Variants in MACROD2 observed in about 807,000 individuals in gnomAD.
MACROD2 encodes the protein mono-ADP ribosylhydrolase 2.
Under a neutral mutation model 70.4 loss-of-function variants are expected in MACROD2, and 36 were observed. That is an observed-to-expected ratio of 0.51 (90% CI 0.39 to 0.68). MACROD2 has a LOEUF of 0.68. Ranked by LOEUF, MACROD2 falls within the 30% of genes least tolerant of loss-of-function variation. The probability of loss-of-function intolerance (pLI) is 0.00; values close to 1 mark genes in which losing one functional copy is unlikely to be tolerated. For missense variants in MACROD2, 496 were observed against 538.4 expected (o/e 0.92, Z 0.78); for synonymous variants, 172 against 178.8 (o/e 0.96, Z 0.30).
chr20:15,157,547 T>A (rs1349283671), intron 5 of MACROD2, among the ~76,000 whole-genome samples: 1 of 152,164 alleles, frequency 6.6e-6, no homozygotes, highest in African/African-American at 2.4e-5. Flanking sequence ...GATTAGTTGC[T>A]TCTTTTGCAG....
At chr20:15,067,973 A>G (rs1044947860) in intron 5 of MACROD2, among the ~76,000 whole-genome samples, 4 of 152,210 alleles carry the variant, frequency 2.6e-5, no homozygotes, top group African/African-American at 7.2e-5. Flanking sequence ...TATTCTTCTC[A>G]TGCACCATAC....
At chr20:15,607,378 C>T (rs1178194484) in intron 8 of MACROD2, among the ~76,000 whole-genome samples, 1 of 152,168 alleles carries the variant, frequency 6.6e-6, no homozygotes, top group Non-Finnish European at 1.5e-5. Context: ...TGCAGAGATG[C>T]TCAGTTCTTT....
At chr20:14,618,996 T>C (rs950142385) in intron 4 of MACROD2, among the ~76,000 whole-genome samples, 1 of 152,098 alleles carries the variant, frequency 6.6e-6, no homozygotes, top group Non-Finnish European at 1.5e-5. Flanking sequence ...AACAGGTACA[T>C]GTAAAGTGCT....
At chr20:15,743,303 C>G (rs781065826) in intron 8 of MACROD2, among the ~76,000 whole-genome samples, 26 of 152,166 alleles carry the variant, frequency 1.7e-4, no homozygotes, top group Non-Finnish European at 3.5e-4. Context: ...TATCCCTCAT[C>G]TATCACTTGG....
chr20:14,237,326 C>T (rs2081885166), intron 3 of MACROD2, among the ~76,000 whole-genome samples: 1 of 151,872 alleles, frequency 6.6e-6, no homozygotes, highest in Admixed American at 6.6e-5. Flanking sequence ...GAATATCAGC[C>T]ACATACTTTG....
chr20:14,080,820 A>G (rs2053983906), intron 2 of MACROD2, among the ~76,000 whole-genome samples: 1 of 151,996 alleles, frequency 6.6e-6, no homozygotes, highest in African/African-American at 2.4e-5. Context: ...ATTTTTCCCC[A>G]CCTTCCTCAC....
chr20:14,760,774 T>C (rs1316808449), intron 5 of MACROD2, among the ~76,000 whole-genome samples: 2 of 152,234 alleles, frequency 1.3e-5, no homozygotes, highest in African/African-American at 4.8e-5. Context: ...CTTCTTCCCT[T>C]TACCAGCCAA....
At chr20:14,215,191 C>T (rs2081607864) in intron 3 of MACROD2, among the ~76,000 whole-genome samples, 1 of 149,462 alleles carries the variant, frequency 6.7e-6, no homozygotes, top group Non-Finnish European at 1.5e-5. Flanking sequence ...CATATATATT[C>T]CATCATATAT....
At chr20:15,584,676 C>T (rs1056018465) in intron 8 of MACROD2, among the ~76,000 whole-genome samples, 6 of 152,210 alleles carry the variant, frequency 3.9e-5, no homozygotes, top group African/African-American at 9.6e-5. Flanking sequence ...CCCTTCCTTG[C>T]GTAGTGTACC....
chr20:15,506,664 G>A (rs1423314031), intron 8 of MACROD2, among the ~76,000 whole-genome samples: 1 of 152,188 alleles, frequency 6.6e-6, no homozygotes, highest in Non-Finnish European at 1.5e-5. Context: ...TAAAAAGGGG[G>A]TTTAAATGAA....
intron 5 of MACROD2, among the ~76,000 whole-genome samples, chr20:15,060,770 G>T (rs2075526290): frequency 6.6e-6 from 1 of 152,200 alleles, no homozygotes; most frequent in Non-Finnish European, 1.5e-5. Flanking sequence ...TTATGCAATA[G>T]ACTGTGCCCT....
chr20:15,615,608 A>G (rs947471058), intron 8 of MACROD2, among the ~76,000 whole-genome samples: 59 of 152,252 alleles, frequency 3.9e-4, no homozygotes, highest in Admixed American at 8.5e-4. Context: ...TATGAGCAGA[A>G]GAGGCCAGCC....
At chr20:15,568,542 C>T (rs961304648) in intron 8 of MACROD2, among the ~76,000 whole-genome samples, 7 of 152,202 alleles carry the variant, frequency 4.6e-5, no homozygotes, top group African/African-American at 1.4e-4. Flanking sequence ...CCTCTAGGGA[C>T]TTCATGGCTT....
intron 3 of MACROD2, among the ~76,000 whole-genome samples, chr20:14,319,709 T>G (rs957410650): frequency 7.2e-5 from 11 of 152,196 alleles, no homozygotes; most frequent in Non-Finnish European, 1.2e-4. Flanking sequence ...ATCCTCCTTT[T>G]TTAATACTTT....
Position 15,055,498 on chromosome 20 carries a change from A to T in MACROD2, c.419-174442A>T, listed in dbSNP as rs188085346. ...AATGGTTTACAAGAAGACTGAACAG[A>T]TGTATTTTCTCCCCCTCTTTCTTCA... On this transcript the variant is annotated intron_variant, in intron 5 of 17. Coordinates refer to ENST00000684519, the MANE Select transcript of MACROD2 (RefSeq NM_001351661.2). Among the ~76,000 whole-genome samples the T allele has an allele frequency of 1.8e-4, 28 of 152,288 alleles. No individual in the cohort carries two copies. The East Asian group carries it at 4.8e-3, about 26-fold the overall frequency.
At chr20:14,618,263 T>C (rs1983594874) in intron 4 of MACROD2, among the ~76,000 whole-genome samples, 1 of 152,108 alleles carries the variant, frequency 6.6e-6, no homozygotes, top group Non-Finnish European at 1.5e-5. Flanking sequence ...TTAGGCAGTG[T>C]TTTTTCCACC....
chr20:14,725,752 C>G lies in MACROD2; in HGVS notation c.418+40793C>G, dbSNP rs531542498. 2.4e-4 allele frequency among the ~76,000 whole-genome samples: 36 copies of G among 152,266 alleles called. 1 individual carries two copies. The South Asian group carries it at 5.0e-3, about 21-fold the overall frequency. ...AGAATATGCCTCAGAGTAGCCGCCCCAGAGGGTGAGGACATAGATGTATTC... is the reference window on the plus strand; with the variant it reads ...AGAATATGCCTCAGAGTAGCCGCCCGAGAGGGTGAGGACATAGATGTATTC... On this transcript the variant is annotated intron_variant, in intron 5 of 17. Coordinates refer to ENST00000684519, the MANE Select transcript of MACROD2 (RefSeq NM_001351661.2).
At chr20:15,718,106 A>G (rs546474865) in intron 8 of MACROD2, among the ~76,000 whole-genome samples, 109 of 151,072 alleles carry the variant, frequency 7.2e-4, no homozygotes, top group South Asian at 1.9e-3. Context: ...CCCAGGTTCA[A>G]GTGATTCTCC....
chr20:15,874,737 T>C (rs1741059611), intron 9 of MACROD2, among the ~76,000 whole-genome samples: 1 of 152,172 alleles, frequency 6.6e-6, no homozygotes, highest in Non-Finnish European at 1.5e-5. Context: ...ATTTACCAAA[T>C]GTGGTAGGCG....
Sources: gnomAD v4.1 joint callset for allele counts (sites outside exome capture counted in the v4.1 genomes callset) on GRCh38, gnomAD v4.1.1 for gene constraint, MANE v1.5 for transcripts, NCBI Gene and HGNC (gene_info 2026-07-23, HGNC 2026-07-21) for gene names.